ATG10: variants seen among roughly 807,000 people sequenced by gnomAD.
ATG10 encodes autophagy related 10.
A neutral mutation model predicts 32.1 loss-of-function variants in ATG10; 30 were observed. That is an observed-to-expected ratio of 0.94 (90% CI 0.70 to 1.27). The LOEUF (loss-of-function observed/expected upper bound fraction) is 1.27, where lower values mean the gene tolerates loss of function less well. Ranked by LOEUF, ATG10 falls within the 50% of genes most tolerant of loss-of-function variation. ATG10 has a pLI of 0.00. For missense variants in ATG10, 233 were observed against 262.3 expected (o/e 0.89, Z 0.77); for synonymous variants, 87 against 91.5 (o/e 0.95, Z 0.28).
intron 3 of ATG10, among the ~76,000 whole-genome samples, chr5:82,129,910 G>C (rs1766450071): frequency 2.6e-5 from 4 of 152,146 alleles, no homozygotes; most frequent in Admixed American, 2.6e-4. Flanking sequence ...CAGCCTGCAG[G>C]CAAGAACGTT....
intron 3 of ATG10, among the ~76,000 whole-genome samples, chr5:82,128,500 C>T (rs1471039298): frequency 2.0e-5 from 3 of 151,874 alleles, no homozygotes; most frequent in Non-Finnish European, 4.4e-5. Context: ...CAAAATCTCT[C>T]AGCATTTGCT....
At chr5:82,235,845 G>A (rs1055599554) in intron 5 of ATG10, among the ~76,000 whole-genome samples, 5 of 152,070 alleles carry the variant, frequency 3.3e-5, no homozygotes, top group East Asian at 3.9e-4. Context: ...TCTCTATGAC[G>A]CTATATAAAA....
At chr5:82,155,013 C>G (rs1767751451) in intron 3 of ATG10, among the ~76,000 whole-genome samples, 1 of 152,186 alleles carries the variant, frequency 6.6e-6, no homozygotes, top group South Asian at 2.1e-4. Context: ...ATGCTTGCCT[C>G]TTGGTCTGTT....
chr5:82,121,784 A>T (rs1766048134), intron 3 of ATG10, among the ~76,000 whole-genome samples: 1 of 152,104 alleles, frequency 6.6e-6, no homozygotes, highest in South Asian at 2.1e-4. Flanking sequence ...GCTTATGTTG[A>T]ACCAACCTTG....
At chr5:82,051,139 T>C (rs891293596) in intron 2 of ATG10, among the ~76,000 whole-genome samples, 1 of 152,146 alleles carries the variant, frequency 6.6e-6, no homozygotes, top group Non-Finnish European at 1.5e-5. Context: ...TTTCTGTGGT[T>C]TAATTCCCAG....
At chr5:82,060,500 T>A (rs1021490020) in intron 3 of ATG10, among the ~76,000 whole-genome samples, 1 of 152,248 alleles carries the variant, frequency 6.6e-6, no homozygotes, top group African/African-American at 2.4e-5. Flanking sequence ...TGGTTAATTA[T>A]GGCACATCTC....
At chr5:82,089,811 C>A in intron 3 of ATG10, among the ~76,000 whole-genome samples, 1 of 151,584 alleles carries the variant, frequency 6.6e-6, no homozygotes, top group Non-Finnish European at 1.5e-5. Context: ...AAAAGAAAAG[C>A]CACAGAATAG....
At chr5:82,160,106 A>G (rs1048730780) in intron 3 of ATG10, among the ~76,000 whole-genome samples, 2 of 152,236 alleles carry the variant, frequency 1.3e-5, no homozygotes, top group Non-Finnish European at 2.9e-5. Flanking sequence ...GTAGGCTTAC[A>G]TATCCACCAC....
chr5:82,118,400 A>ATATATATATGTATATAT (rs371581160), intron 3 of ATG10, among the ~76,000 whole-genome samples: 2 of 115,788 alleles, frequency 1.7e-5, no homozygotes, highest in Admixed American at 8.6e-5. Context: ...ATATATATAT[A>ATATATATATGTATATAT]TATATGTATG....
chr5:82,010,766 TC>T (rs1356879073), intron 2 of ATG10, among the ~76,000 whole-genome samples: 1 of 152,236 alleles, frequency 6.6e-6, no homozygotes, highest in East Asian at 1.9e-4. Context: ...TGGTTTCTTT[TC>T]CAATATTTAT....
chr5:82,207,002 G>A (rs1180507683), intron 5 of ATG10, among the ~76,000 whole-genome samples: 1 of 152,022 alleles, frequency 6.6e-6, no homozygotes, highest in Non-Finnish European at 1.5e-5. Flanking sequence ...TATAAATATA[G>A]TATTTGCCAG....
chr5:82,067,354 T>A (rs952993320), intron 3 of ATG10, among the ~76,000 whole-genome samples: 2 of 152,200 alleles, frequency 1.3e-5, no homozygotes, highest in Non-Finnish European at 2.9e-5. Flanking sequence ...TATATTTTTT[T>A]AACTAGTATA....
chr5:82,178,418 G>A (rs1029977417), intron 4 of ATG10, 72 bp from the exon 5 acceptor site: 17 of 896,638 alleles, frequency 1.9e-5, no homozygotes, highest in South Asian at 1.4e-4. Flanking sequence ...TCTTCCAGGA[G>A]TTTTAGATTG....
intron 3 of ATG10, among the ~76,000 whole-genome samples, chr5:82,148,829 C>T (rs1006581711): frequency 1.3e-5 from 2 of 152,078 alleles, no homozygotes; most frequent in African/African-American, 4.8e-5. Flanking sequence ...GGAAGCTTTC[C>T]TTCTGTGATT....
At chr5:82,039,304 TAA>T (rs1332555684) in intron 2 of ATG10, among the ~76,000 whole-genome samples, 4 of 152,296 alleles carry the variant, frequency 2.6e-5, no homozygotes, top group South Asian at 2.1e-4. Context: ...TGCTTTGTCA[TAA>T]AAATAGGAGA....
intron 5 of ATG10, among the ~76,000 whole-genome samples, chr5:82,191,969 C>T (rs556810659): frequency 5.3e-5 from 8 of 152,296 alleles, no homozygotes; most frequent in Non-Finnish European, 7.4e-5. Flanking sequence ...AGTTCTCACA[C>T]GTCTCAAATA....
chr5:82,016,770 G>A (rs536665839), intron 2 of ATG10, among the ~76,000 whole-genome samples: 97 of 151,554 alleles, frequency 6.4e-4, no homozygotes, highest in African/African-American at 2.2e-3. Flanking sequence ...CTCACCGCAA[G>A]CTCTGCCTCC....
At chr5:82,155,699 CTCTT>C (rs1336874280) in intron 3 of ATG10, among the ~76,000 whole-genome samples, 2 of 152,118 alleles carry the variant, frequency 1.3e-5, no homozygotes, top group Non-Finnish European at 1.5e-5. Context: ...AAAATAATGA[CTCTT>C]TGTTCTTAAT....
intron 1 of ATG10, among the ~76,000 whole-genome samples, chr5:81,974,892 G>C (rs570296986): frequency 3.2e-4 from 48 of 152,204 alleles, no homozygotes; most frequent in Non-Finnish European, 5.7e-4. Flanking sequence ...ATTTCAATCT[G>C]TTCCAAGGTT....
Sources: allele counts gnomAD v4.1 joint callset (sites outside exome capture counted in the v4.1 genomes callset), GRCh38; gene constraint gnomAD v4.1.1; transcripts MANE v1.5; gene names NCBI Gene and HGNC (gene_info 2026-07-23, HGNC 2026-07-21).